The following NTRK2 variants were observed in gnomAD, a reference collection of about 807,000 sequenced individuals.
NTRK2 encodes neurotrophic receptor tyrosine kinase 2, also known as BDNF/NT-3 growth factors receptor.
In NTRK2, 13 loss-of-function variants were observed where a neutral mutation model predicts 94.5. The ratio of observed to expected loss-of-function variants is 0.14; its 90% CI spans 0.09 to 0.22. NTRK2 has a LOEUF of 0.22. Among genes scored for constraint, NTRK2 ranks in the 10% least tolerant of loss-of-function variants. The probability of loss-of-function intolerance (pLI) is 1.00; values close to 1 mark genes in which losing one functional copy is unlikely to be tolerated. For missense variants in NTRK2, 639 were observed against 1,071.2 expected (o/e 0.60, Z 5.63); for synonymous variants, 372 against 407.4 (o/e 0.91, Z 1.05).
intron 18 of NTRK2, among the ~76,000 whole-genome samples, chr9:85,020,567 C>T (rs1832695950): frequency 6.6e-6 from 1 of 152,200 alleles, no homozygotes; most frequent in Non-Finnish European, 1.5e-5. Flanking sequence ...AAGCACAGTG[C>T]TCGCTGCTAT....
chr9:84,872,113 G>A (rs2075887701), intron 14 of NTRK2: 2 of 1,307,640 alleles, frequency 1.5e-6, no homozygotes, highest in Middle Eastern at 6.0e-4. Context: ...ATCAAGTCTG[G>A]AGTTGGTCTT....
At chr9:84,754,437 C>G (rs953752004) in intron 12 of NTRK2, among the ~76,000 whole-genome samples, 1 of 151,896 alleles carries the variant, frequency 6.6e-6, no homozygotes, top group Non-Finnish European at 1.5e-5. Flanking sequence ...CTTTGGGGAT[C>G]TAGAAATTAA....
intron 17 of NTRK2, among the ~76,000 whole-genome samples, chr9:85,010,587 G>T (rs1344227447): frequency 6.6e-6 from 1 of 152,196 alleles, no homozygotes; most frequent in Non-Finnish European, 1.5e-5. Flanking sequence ...AGTACTTTCT[G>T]AGGGTTTCAT....
intron 12 of NTRK2, among the ~76,000 whole-genome samples, chr9:84,764,129 G>A (rs1283394497): frequency 6.6e-6 from 1 of 152,194 alleles, no homozygotes; most frequent in Non-Finnish European, 1.5e-5. Context: ...GAATCACATT[G>A]TGTCAGGTTG....
At chr9:84,932,845 A>G (rs560015156) in intron 14 of NTRK2, among the ~76,000 whole-genome samples, 2 of 152,300 alleles carry the variant, frequency 1.3e-5, no homozygotes, top group South Asian at 4.2e-4. Context: ...GCAGAGAGGA[A>G]GCCTGGCAAT....
chr9:85,013,400 T>C (rs1831856218), intron 17 of NTRK2, among the ~76,000 whole-genome samples: 1 of 152,116 alleles, frequency 6.6e-6, no homozygotes, highest in Non-Finnish European at 1.5e-5. Flanking sequence ...CCTCCCGGGT[T>C]CAAACGGTTC....
intron 13 of NTRK2, among the ~76,000 whole-genome samples, chr9:84,861,667 A>G (rs2075345800): frequency 1.3e-5 from 2 of 152,198 alleles, no homozygotes; most frequent in Admixed American, 6.5e-5. Context: ...GTAGCTCCTC[A>G]TTAGAATTGA....
At chr9:84,860,651 G>A (rs921120919) in intron 12 of NTRK2, among the ~76,000 whole-genome samples, 1 of 152,096 alleles carries the variant, frequency 6.6e-6, no homozygotes, top group Admixed American at 6.6e-5. Flanking sequence ...CAGCTTCCCT[G>A]TCAGATGATT....
intron 12 of NTRK2, among the ~76,000 whole-genome samples, chr9:84,804,097 G>A (rs1436945739): frequency 6.6e-6 from 1 of 151,968 alleles, no homozygotes; most frequent in Non-Finnish European, 1.5e-5. Context: ...TGATGAAAAA[G>A]TGTTGCTTCA....
chr9:85,015,540 CCCAT>C (rs1173258748), intron 17 of NTRK2, among the ~76,000 whole-genome samples: 6 of 152,150 alleles, frequency 3.9e-5, no homozygotes, highest in African/African-American at 1.4e-4. Context: ...TCATGGGGAA[CCCAT>C]TAAAGACATG....
chr9:84,746,068 C>T (rs577058768), intron 11 of NTRK2, among the ~76,000 whole-genome samples: 17 of 152,290 alleles, frequency 1.1e-4, no homozygotes, highest in African/African-American at 4.1e-4. Flanking sequence ...GCCACTGTCA[C>T]AGGCTAACCC....
At chr9:84,709,172 AAACCT>A (rs2061283523) in intron 5 of NTRK2, among the ~76,000 whole-genome samples, 1 of 152,248 alleles carries the variant, frequency 6.6e-6, no homozygotes, top group East Asian at 1.9e-4. Context: ...GGAGAAGTAG[AAACCT>A]AAAGATAAAA....
At chr9:85,014,825 C>T (rs1832043549) in intron 17 of NTRK2, among the ~76,000 whole-genome samples, 1 of 152,156 alleles carries the variant, frequency 6.6e-6, no homozygotes, top group Non-Finnish European at 1.5e-5. Context: ...AACTAGAACG[C>T]AGTTGTTATT....
At chr9:84,756,171 T>G (rs1725856653) in intron 12 of NTRK2, among the ~76,000 whole-genome samples, 1 of 152,218 alleles carries the variant, frequency 6.6e-6, no homozygotes, top group Non-Finnish European at 1.5e-5. Flanking sequence ...CTTCTAAGGC[T>G]GCCTCTGGTT....
At chr9:84,810,666 G>T (rs1488578223) in intron 12 of NTRK2, 10 of 1,607,584 alleles carry the variant, frequency 6.2e-6, no homozygotes, top group Non-Finnish European at 8.5e-6. Flanking sequence ...GACTGCTGTT[G>T]GCTTATCCCG....
At chr9:84,867,124 T>C (rs1406155302) in intron 13 of NTRK2, 119 bp from the exon 14 acceptor site, 9 of 920,088 alleles carry the variant, frequency 9.8e-6, no homozygotes, top group Non-Finnish European at 1.5e-5. Flanking sequence ...TGTACTACTC[T>C]GTGAATATAC....
chr9:85,007,531 C>T (rs1253928309), intron 17 of NTRK2, among the ~76,000 whole-genome samples: 13 of 152,204 alleles, frequency 8.5e-5, no homozygotes. Flanking sequence ...GTGATTGTTG[C>T]AGTAGCCCAG....
At chr9:84,747,633 A>C (rs1052087079) in intron 11 of NTRK2, among the ~76,000 whole-genome samples, 5 of 152,042 alleles carry the variant, frequency 3.3e-5, no homozygotes, top group African/African-American at 1.2e-4. Context: ...ACCTGCCAGC[A>C]TGCCTGGCTA....
chr9:85,023,342 G>A lies in NTRK2; in HGVS notation c.*1905G>A, dbSNP rs747750100. On this transcript the variant is annotated 3_prime_UTR_variant, in exon 19 of 19. Coordinates refer to ENST00000277120, the MANE Select transcript of NTRK2 (RefSeq NM_006180.6). ...GTCATGTTATTTCATATTTGTTTCT[G>A]AAGGTGCGATAGCTCTGTTTTAGGT... 1 of 232,532 alleles carries A rather than the reference G, an allele frequency of 4.3e-6. No homozygotes were observed. The highest frequency in any genetic ancestry group is 8.5e-6 in the Non-Finnish European group (1 of 117,680). 14.4% of individuals were successfully genotyped at this position (232,532 alleles called of 1,614,324 possible).
Sources: allele counts gnomAD v4.1 joint callset (sites outside exome capture counted in the v4.1 genomes callset), GRCh38; gene constraint gnomAD v4.1.1; transcripts MANE v1.5; gene names NCBI Gene and HGNC (gene_info 2026-07-23, HGNC 2026-07-21).